The following SPIN1 variants were observed in gnomAD, a reference collection of about 807,000 sequenced individuals.
SPIN1 encodes the protein spindlin-1.
In SPIN1, 3 loss-of-function variants were observed where a neutral mutation model predicts 26.0. The observed-to-expected ratio is 0.12, with a 90% CI of 0.05 to 0.30. SPIN1 has a LOEUF of 0.30. Ranked by LOEUF, SPIN1 falls within the 10% of genes least tolerant of loss-of-function variation. SPIN1 has a pLI of 1.00. For synonymous variants in SPIN1, 101 were observed against 116.5 expected (o/e 0.87, Z 0.86); for missense variants, 126 against 333.4 (o/e 0.38, Z 4.84).
At chr9:88,453,325 A>G (rs1050144647) in intron 3 of SPIN1, among the ~76,000 whole-genome samples, 1 of 152,124 alleles carries the variant, frequency 6.6e-6, no homozygotes, top group African/African-American at 2.4e-5. Flanking sequence ...TTTGTTCTAT[A>G]TCAGTGCCAC....
At chr9:88,388,812 C>T (rs1185927527) in intron 1 of SPIN1, among the ~76,000 whole-genome samples, 2 of 150,620 alleles carry the variant, frequency 1.3e-5, no homozygotes, top group East Asian at 3.9e-4. Context: ...CCCCCGCCAA[C>T]ATGGCCGCCA....
intron 1 of SPIN1, among the ~76,000 whole-genome samples, chr9:88,419,508 GAAGAAAAAA>G (rs1328346591): frequency 6.6e-6 from 1 of 151,770 alleles, no homozygotes; most frequent in Admixed American, 6.6e-5. Flanking sequence ...GCCTTGCTGA[GAAGAAAAAA>G]AAGAAAATTT....
rs2118252488 is a variant in SPIN1 at position 88,477,800 on chromosome 9, T to G, written c.*2523T>G. Reference sequence around the variant, plus strand: ...GACATGAATCTATGTATAAAATTTATCGGCCTTTCTCATTTACCTGCTCTA... The same window carrying G: ...GACATGAATCTATGTATAAAATTTAGCGGCCTTTCTCATTTACCTGCTCTA... On this transcript the variant is annotated 3_prime_UTR_variant, in exon 6 of 6. Transcript: ENST00000375859. 6.6e-6 allele frequency: 1 copy of G among 152,600 alleles called. No individual in the cohort carries two copies. Among genetic ancestry groups the G allele is most frequent in the East Asian group, 1.9e-4 (1 of 5,178 alleles). The allele number at this position is 152,600 out of a possible 1,614,324, so 9.5% of individuals were successfully genotyped here.
At chr9:88,388,949 C>G (rs1213077617) in intron 1 of SPIN1, among the ~76,000 whole-genome samples, 2 of 150,052 alleles carry the variant, frequency 1.3e-5, no homozygotes, top group African/African-American at 4.9e-5. Context: ...GGGGGCGCTG[C>G]GCCAGAATGC....
chr9:88,473,506 G>C (rs1828830859), intron 5 of SPIN1, among the ~76,000 whole-genome samples: 1 of 152,148 alleles, frequency 6.6e-6, no homozygotes, highest in Admixed American at 6.5e-5. Context: ...ACCTGTATGA[G>C]GTGACTTGAA....
rs556029457 is a variant in SPIN1, at chr9:88,449,462, T to C, written c.101+473T>C. Among the ~76,000 whole-genome samples the C allele has an allele frequency of 3.3e-5, 5 of 152,316 alleles. No homozygotes were observed. In the East Asian group the frequency reaches 9.6e-4, roughly 29 times the overall value. On this transcript the variant is annotated intron_variant, in intron 3 of 5. Coordinates refer to ENST00000375859, the MANE Select transcript of SPIN1 (RefSeq NM_006717.3). ...CATTTTTAAATGAAGGAAAAGCTTATGAATTTAGGGAAAGCATATCCATGT... is the reference window on the plus strand; with the variant it reads ...CATTTTTAAATGAAGGAAAAGCTTACGAATTTAGGGAAAGCATATCCATGT...
chr9:88,408,121 A>C, intron 1 of SPIN1, among the ~76,000 whole-genome samples: 1 of 151,320 alleles, frequency 6.6e-6, no homozygotes. Flanking sequence ...TTTAGTTTTC[A>C]ACAGTTTTAC....
chr9:88,427,577 A>T (rs899014760), intron 2 of SPIN1, among the ~76,000 whole-genome samples: 5 of 152,044 alleles, frequency 3.3e-5, no homozygotes, highest in African/African-American at 1.2e-4. Context: ...CATCTAAAAA[A>T]ACGGGACTTT....
chr9:88,458,983 C>T (rs1260998149), intron 3 of SPIN1, among the ~76,000 whole-genome samples: 1 of 152,146 alleles, frequency 6.6e-6, no homozygotes, highest in Non-Finnish European at 1.5e-5. Flanking sequence ...TGGTGTTTGA[C>T]CACATATCTG....
intron 1 of SPIN1, among the ~76,000 whole-genome samples, chr9:88,422,612 G>C (rs1033944244): frequency 6.6e-6 from 1 of 151,986 alleles, no homozygotes; most frequent in African/African-American, 2.4e-5. Context: ...AAGATCAGGT[G>C]GTTGAACTAT....
intron 1 of SPIN1, among the ~76,000 whole-genome samples, chr9:88,408,202 T>A (rs1348488814): frequency 6.6e-6 from 1 of 151,804 alleles, no homozygotes; most frequent in Non-Finnish European, 1.5e-5. Context: ...GAACCCATGG[T>A]GGGATGTCTT....
At chr9:88,448,147 G>C (rs143134341) in intron 2 of SPIN1, among the ~76,000 whole-genome samples, 218 of 151,598 alleles carry the variant, frequency 1.4e-3, no homozygotes, top group African/African-American at 4.9e-3. Flanking sequence ...GGGTTTAAGC[G>C]ATCTTCCCAC....
chr9:88,475,157 A>G lies in SPIN1; in HGVS notation c.669A>G (p.Glu223=), dbSNP rs1297470794. Residue 223 remains glutamate (E), a synonymous_variant, in exon 6 of 6, where the codon GAA becomes GAG. Coordinates refer to ENST00000375859, the MANE Select transcript of SPIN1 (RefSeq NM_006717.3). The stretch of plus-strand genomic sequence containing the variant: ...GCAAACAAGTGGAATATGCCAAAGA[A>G]GATGGCTCGAAAAGGACTGGCATGG... ...LVGKQVEYAK[E]DGSKRTGMVI... 6.2e-7 allele frequency: 1 copy of G among 1,613,610 alleles called. No individual in the cohort carries two copies.
chr9:88,421,244 A>G, intron 1 of SPIN1, among the ~76,000 whole-genome samples: 1 of 152,114 alleles, frequency 6.6e-6, no homozygotes, highest in East Asian at 1.9e-4. Context: ...TAATCTTACA[A>G]TATCTAATGT....
intron 1 of SPIN1, chr9:88,410,637 A>G: frequency 9.1e-7 from 1 of 1,103,446 alleles, no homozygotes; most frequent in Non-Finnish European, 1.4e-6. Flanking sequence ...CATAGGGGCC[A>G]GAGCTTCTGC....
At chr9:88,434,887 A>G (rs559661989) in intron 2 of SPIN1, among the ~76,000 whole-genome samples, 1 of 152,134 alleles carries the variant, frequency 6.6e-6, no homozygotes, top group East Asian at 1.9e-4. Context: ...CCTCACATCT[A>G]CTGAAAATGC....
chr9:88,449,118 C>T (rs1011789591), intron 3 of SPIN1, 129 bp downstream of exon 3: 18 of 783,368 alleles, frequency 2.3e-5, no homozygotes, highest in Non-Finnish European at 3.2e-5. Context: ...ATGTAGTGTG[C>T]GATGAGGAAT....
At chr9:88,389,780 A>G (rs755359181) in intron 1 of SPIN1, among the ~76,000 whole-genome samples, 1 of 152,208 alleles carries the variant, frequency 6.6e-6, no homozygotes, top group Non-Finnish European at 1.5e-5. Flanking sequence ...AGGGTACAGT[A>G]ATTGCTTTCT....
intron 1 of SPIN1, chr9:88,411,359 T>G (rs1432357215): frequency 6.4e-6 from 10 of 1,557,456 alleles, no homozygotes; most frequent in East Asian, 2.2e-5. Flanking sequence ...CCCCCATTGC[T>G]CAAAATGGCT....
Sources: gnomAD v4.1 joint callset for allele counts (sites outside exome capture counted in the v4.1 genomes callset) on GRCh38, gnomAD v4.1.1 for gene constraint, MANE v1.5 for transcripts, NCBI Gene and HGNC (gene_info 2026-07-23, HGNC 2026-07-21) for gene names.